LACTB: variants seen among roughly 807,000 people sequenced by gnomAD.
The protein encoded by LACTB is serine beta-lactamase-like protein LACTB, mitochondrial.
A neutral mutation model predicts 50.2 loss-of-function variants in LACTB; 35 were observed. That is an observed-to-expected ratio of 0.70 (90% CI 0.53 to 0.92). The LOEUF (loss-of-function observed/expected upper bound fraction) is 0.92, where lower values mean the gene tolerates loss of function less well. Ranked by LOEUF, LACTB falls within the 40% of genes least tolerant of loss-of-function variation. LACTB has a pLI of 0.00. For synonymous variants in LACTB, 252 were observed against 268.2 expected (o/e 0.94, Z 0.59); for missense variants, 664 against 691.8 (o/e 0.96, Z 0.45).
chr15:63,126,951 G>T lies in LACTB; in HGVS notation c.517G>T (p.Ala173Ser). Residue 173 changes from alanine (A) to serine (S), a missense_variant, in exon 3 of 6, where the codon GCT becomes TCT. Coordinates refer to ENST00000261893, the MANE Select transcript of LACTB (RefSeq NM_032857.5). ...CATCAGCAAAAGTCTCACCATGGTT[G>T]CTCTTGCCAAATTGTGGGAAGCAGG... ...ASISKSLTMV[A>S]LAKLWEAGKL... is the part of the protein sequence containing the mutation. 6.2e-7 allele frequency: 1 copy of T among 1,613,590 alleles called. No individual in the cohort carries two copies.
chr15:63,139,167 G>GGCA (rs2037202809), intron 5 of LACTB, among the ~76,000 whole-genome samples: 1 of 136,584 alleles, frequency 7.3e-6, no homozygotes. Flanking sequence ...TGGCCAACAT[G>GGCA]ATGAAGCCCC....
At chr15:63,141,154 A>G (rs1036625169) in intron 5 of LACTB, 126 bp from the exon 6 acceptor site, 1 of 1,438,814 alleles carries the variant, frequency 7.0e-7, no homozygotes, top group East Asian at 2.5e-5. Flanking sequence ...TGGTTAGTTT[A>G]TAGTTTCTGA....
At position 63,121,946 on chromosome 15, in the gene LACTB, C is replaced by T; in HGVS notation, c.75C>T (p.Arg25=). The stretch of plus-strand genomic sequence containing the variant: ...GCTTGGCCTCAAGCTGCGGACGACG[C>T]GGGGTCCATCAGCGCGCCGGGCTGC... ...PGGLASSCGR[R]GVHQRAGLPP... is the part of the protein sequence containing the mutation. The change falls in exon 1 of 6, where the codon CGC becomes CGT. Residue 25 remains arginine, a synonymous_variant. Coordinates refer to ENST00000261893, the MANE Select transcript of LACTB (RefSeq NM_032857.5). 2 of 1,408,106 alleles carry T rather than the reference C, an allele frequency of 1.4e-6. No individual in the cohort carries two copies. Among genetic ancestry groups the T allele is most frequent in the Non-Finnish European group, 1.8e-6 (2 of 1,088,666 alleles). 87.2% of individuals were successfully genotyped at this position (1,408,106 alleles called of 1,614,324 possible). A position where few individuals can be genotyped will look rare whatever the true frequency, so the allele number is the denominator to read the frequency against.
chr15:63,128,553 A>G (rs976205945), intron 4 of LACTB, among the ~76,000 whole-genome samples: 11 of 152,174 alleles, frequency 7.2e-5, no homozygotes, highest in Non-Finnish European at 1.0e-4. Flanking sequence ...GTGGGTTGTG[A>G]TCATACCACT....
At chr15:63,137,405 A>G (rs1162693494) in intron 5 of LACTB, among the ~76,000 whole-genome samples, 1 of 152,248 alleles carries the variant, frequency 6.6e-6, no homozygotes, top group Non-Finnish European at 1.5e-5. Context: ...TAATTTTATA[A>G]CTAGATGGGA....
chr15:63,141,267 T>G lies in LACTB; in HGVS notation c.1119-13T>G, dbSNP rs889234908. ...TATGAAATTTTTCATGATCATTTCT[T>G]ATTTCCTTTTAGATTTTATGTTTAC... On this transcript the variant is annotated splice_polypyrimidine_tract_variant and intron_variant, in intron 5 of 5. Coordinates refer to ENST00000261893, the MANE Select transcript of LACTB (RefSeq NM_032857.5). 1.9e-5 allele frequency: 30 copies of G among 1,573,526 alleles called. No individual in the cohort carries two copies. The East Asian group carries it at 6.8e-4, about 35-fold the overall frequency.
At chr15:63,132,876 G>C (rs1423079513) in intron 5 of LACTB, among the ~76,000 whole-genome samples, 2 of 152,030 alleles carry the variant, frequency 1.3e-5, no homozygotes, top group Non-Finnish European at 2.9e-5. Flanking sequence ...TAAAATAATT[G>C]AACACTTAAA....
At chr15:63,132,763 C>G (rs2037144944) in intron 5 of LACTB, among the ~76,000 whole-genome samples, 1 of 152,078 alleles carries the variant, frequency 6.6e-6, no homozygotes, top group Non-Finnish European at 1.5e-5. Context: ...TGAGGCTCCA[C>G]TGAGCTGTGA....
chr15:63,134,888 TA>T lies in LACTB; in HGVS notation c.1118+5247del, dbSNP rs923225516. 9.9e-5 allele frequency among the ~76,000 whole-genome samples: 15 copies of T among 151,018 alleles called. No homozygotes were observed. The South Asian group carries it at 2.5e-3, about 25-fold the overall frequency. ...TATATTCCTCACTGTGGGTTGAGGT[TA>T]AAAAAAAAGTTTGAAAGCCATTCAG... On this transcript the variant is annotated intron_variant, in intron 5 of 5. Transcript: ENST00000261893.
intron 5 of LACTB, among the ~76,000 whole-genome samples, chr15:63,132,538 C>T (rs1409145222): frequency 2.0e-5 from 3 of 152,016 alleles, no homozygotes; most frequent in East Asian, 1.9e-4. Flanking sequence ...ATTTTGGGGG[C>T]GGGGCAAGGT....
chr15:63,129,677 A>G, intron 5 of LACTB, 27 bp downstream of exon 5: 2 of 1,476,338 alleles, frequency 1.4e-6, no homozygotes, highest in South Asian at 1.5e-5. Context: ...TGCTGTGTCT[A>G]GCTATATCGC....
intron 5 of LACTB, among the ~76,000 whole-genome samples, chr15:63,140,152 A>C (rs1368410280): frequency 6.6e-6 from 1 of 152,226 alleles, no homozygotes; most frequent in Non-Finnish European, 1.5e-5. Context: ...ATGTGTTTCT[A>C]TTATGTAACT....
At chr15:63,122,537 G>A in intron 1 of LACTB, 99 bp from the exon 2 acceptor site, 1 of 973,334 alleles carries the variant, frequency 1.0e-6, no homozygotes, top group Non-Finnish European at 1.7e-6. Context: ...AGGGGGCGGG[G>A]CCCAGGCTCA....
At position 63,122,722 on chromosome 15, in the gene LACTB, G is replaced by C. The variant is rs375578613; in HGVS notation, c.424+20G>C. ...CAGAAGGTGGGTTCAGAAAATTGTT[G>C]TTTTGTTCTGTGCCAGTTGGTAAAT... On this transcript the variant is annotated intron_variant, in intron 2 of 5. Transcript: ENST00000261893. 1 of 1,551,706 alleles carries C rather than the reference G, an allele frequency of 6.4e-7. No homozygotes were observed. Among genetic ancestry groups the C allele is most frequent in the Non-Finnish European group, 8.9e-7 (1 of 1,123,022 alleles).
Position 63,129,476 on chromosome 15 carries a change from T to C in LACTB, c.953-9T>C. 1.3e-6 allele frequency: 2 copies of C among 1,548,088 alleles called. No homozygotes were observed. Among genetic ancestry groups the C allele is most frequent in the East Asian group, 2.3e-5 (1 of 42,986 alleles). On this transcript the variant is annotated splice_polypyrimidine_tract_variant and intron_variant, in intron 4 of 5. Coordinates refer to ENST00000261893, the MANE Select transcript of LACTB (RefSeq NM_032857.5). ...TTTATTTTTTTCCTCCTCGCAATGA[T>C]GTCTCAAGGTAGTCAGTTTTTGTAT... is the stretch of plus-strand genomic sequence containing the variant.
In LACTB at chr15:63,123,404, G is replaced by A. The variant is rs1455603593; in HGVS notation, c.424+702G>A. Among the ~76,000 whole-genome samples, 6 of 152,186 alleles carry A rather than the reference G, an allele frequency of 3.9e-5. No homozygotes were observed. In the East Asian group the frequency reaches 1.2e-3, roughly 29 times the overall value. ...GCCTCTCTTCCGTAAAAAGCAAAGT[G>A]CTAAGTACTGGGGTTATACACTATT... On this transcript the variant is annotated intron_variant, in intron 2 of 5. Transcript: ENST00000261893.
Position 63,127,697 on chromosome 15 carries a change from T to G in LACTB, c.952+8T>G. On this transcript the variant is annotated splice_region_variant and intron_variant, in intron 4 of 5. Coordinates refer to ENST00000261893, the MANE Select transcript of LACTB (RefSeq NM_032857.5). ...CTTTGTTCTTCAAACCTGGTGAGTG[T>G]TAATCCCTTCTCTTAACAAAATCAT... 1 of 1,507,756 alleles carries G rather than the reference T, an allele frequency of 6.6e-7. No homozygotes were observed. The highest frequency in any genetic ancestry group is 9.1e-7 in the Non-Finnish European group (1 of 1,104,332). 93.4% of individuals were successfully genotyped at this position (1,507,756 alleles called of 1,614,324 possible). A position where few individuals can be genotyped will look rare whatever the true frequency, so the allele number is the denominator to read the frequency against.
At chr15:63,132,734 T>C (rs1376919274) in intron 5 of LACTB, among the ~76,000 whole-genome samples, 2 of 152,090 alleles carry the variant, frequency 1.3e-5, no homozygotes, top group African/African-American at 2.4e-5. Flanking sequence ...GTTGGGAGGA[T>C]CACTTGAGCC....
At chr15:63,129,341 T>A in intron 4 of LACTB, 144 bp from the exon 5 acceptor site, 1 of 628,876 alleles carries the variant, frequency 1.6e-6, no homozygotes, top group Non-Finnish European at 2.5e-6. Context: ...TTTGTTGATG[T>A]ATTGCCTGTG....
Sources: allele counts gnomAD v4.1 joint callset (sites outside exome capture counted in the v4.1 genomes callset), GRCh38; gene constraint gnomAD v4.1.1; transcripts MANE v1.5; gene names NCBI Gene and HGNC (gene_info 2026-07-23, HGNC 2026-07-21).